Variants in XRCC4 observed in about 807,000 individuals in gnomAD.
XRCC4 encodes the protein DNA repair protein XRCC4.
In XRCC4, 28 loss-of-function variants were observed where a neutral mutation model predicts 39.1. That is an observed-to-expected ratio of 0.72 (90% confidence interval 0.53 to 0.98). The LOEUF (loss-of-function observed/expected upper bound fraction) is 0.98, where lower values mean the gene tolerates loss of function less well. Ranked by LOEUF, XRCC4 falls within the 50% of genes least tolerant of loss-of-function variation. The pLI is 0.00. For synonymous variants in XRCC4, 123 were observed against 126.4 expected (o/e 0.97, Z 0.18); for missense variants, 350 against 376.4 (o/e 0.93, Z 0.58).
intron 3 of XRCC4, among the ~76,000 whole-genome samples, chr5:83,191,328 G>A (rs1463667164): frequency 6.6e-6 from 1 of 152,306 alleles, no homozygotes; most frequent in East Asian, 1.9e-4. Context: ...GGAACCTGGT[G>A]GGAGGTGATT....
At chr5:83,249,928 A>C (rs1276990701) in intron 6 of XRCC4, among the ~76,000 whole-genome samples, 1 of 152,118 alleles carries the variant, frequency 6.6e-6, no homozygotes, top group African/African-American at 2.4e-5. Context: ...TATTTTGTCT[A>C]ATTTTTAAAT....
intron 1 of XRCC4, among the ~76,000 whole-genome samples, chr5:83,091,458 G>A (rs1314867042): frequency 1.3e-5 from 2 of 152,112 alleles, no homozygotes; most frequent in Admixed American, 6.6e-5. Context: ...TCAACATCTG[G>A]GGATTACAAT....
At chr5:83,362,316 A>AAACAAAAAAAAAAAAAAC in the XRCC4 span, among the ~76,000 whole-genome samples, 2 of 145,952 alleles carry the variant, frequency 1.4e-5, no homozygotes, top group African/African-American at 5.5e-5. Context: ...AAAAAAAAAA[A>AAACAAAAAAAAAAAAAAC]AACTATCTCA....
At chr5:83,133,973 G>T (rs1172296987) in intron 3 of XRCC4, among the ~76,000 whole-genome samples, 2 of 152,200 alleles carry the variant, frequency 1.3e-5, no homozygotes, top group Non-Finnish European at 2.9e-5. Flanking sequence ...CGGGAGTTGG[G>T]GCTGTGCGTG....
chr5:83,141,806 A>G (rs77177340), intron 3 of XRCC4, among the ~76,000 whole-genome samples: 3,200 of 151,886 alleles, frequency 0.021, 93 homozygotes, highest in African/African-American at 0.071. Context: ...TTAATCTGGA[A>G]CAGGTAGGTC....
chr5:83,286,313 A>C (rs964184828), intron 7 of XRCC4, among the ~76,000 whole-genome samples: 1 of 152,102 alleles, frequency 6.6e-6, no homozygotes, highest in Non-Finnish European at 1.5e-5. Context: ...GCATCCAACA[A>C]GTAGTTTTTG....
chr5:83,284,003 A>C (rs1561454135), intron 7 of XRCC4, among the ~76,000 whole-genome samples: 2 of 149,122 alleles, frequency 1.3e-5, no homozygotes. Context: ...GAAAATGAGA[A>C]GATTCATAAA....
At chr5:83,275,489 G>T (rs28360264) in intron 7 of XRCC4, among the ~76,000 whole-genome samples, 1 of 151,814 alleles carries the variant, frequency 6.6e-6, no homozygotes, top group Non-Finnish European at 1.5e-5. Context: ...TAGAGACGGG[G>T]TTTCACCGTT....
intron 7 of XRCC4, among the ~76,000 whole-genome samples, chr5:83,285,809 A>G (rs1192883927): frequency 6.6e-6 from 1 of 152,102 alleles, no homozygotes; most frequent in African/African-American, 2.4e-5. Context: ...TCCCATTGGT[A>G]ACTCCTTTGG....
intron 6 of XRCC4, among the ~76,000 whole-genome samples, chr5:83,212,100 ATGTT>A (rs1235844449): frequency 6.6e-6 from 1 of 152,056 alleles, no homozygotes; most frequent in African/African-American, 2.4e-5. Context: ...ACACATATGT[ATGTT>A]TATGTGTATA....
intron 3 of XRCC4, among the ~76,000 whole-genome samples, chr5:83,179,754 C>G (rs987859197): frequency 1.3e-5 from 2 of 152,100 alleles, no homozygotes; most frequent in Admixed American, 1.3e-4. Context: ...CCACTCAGCT[C>G]TGGCCAGGGG....
intron 7 of XRCC4, among the ~76,000 whole-genome samples, chr5:83,284,488 G>A (rs1256472793): frequency 6.6e-6 from 1 of 152,068 alleles, no homozygotes; most frequent in African/African-American, 2.4e-5. Context: ...AACATCACAT[G>A]TAGGAAATTT....
intron 3 of XRCC4, among the ~76,000 whole-genome samples, chr5:83,117,978 C>CT (rs761734365): frequency 4.0e-5 from 6 of 150,400 alleles, no homozygotes; most frequent in Non-Finnish European, 7.4e-5. Flanking sequence ...GTGAAGGAAG[C>CT]TATGAGGTTT....
At chr5:83,338,645 A>T (rs549428455) in intron 7 of XRCC4, among the ~76,000 whole-genome samples, 2 of 152,306 alleles carry the variant, frequency 1.3e-5, no homozygotes, top group East Asian at 3.9e-4. Context: ...AAGAAATGAG[A>T]CATTGTATCA....
intron 3 of XRCC4, among the ~76,000 whole-genome samples, chr5:83,154,456 CA>C (rs1161830961): frequency 6.6e-6 from 1 of 152,094 alleles, no homozygotes; most frequent in Non-Finnish European, 1.5e-5. Context: ...CAAATATTCC[CA>C]AATCTGAAAG....
rs374660091 is a variant in XRCC4, at chr5:83,287,660, C to T, written c.893+28983C>T. On this transcript the variant is annotated intron_variant, in intron 7 of 7. Transcript: ENST00000396027. ...CATCTGTATAGTGTTAAGTTCCTCC[C>T]GAAAATGTGTAATTTTTTTTACTGG... 1.0e-3 allele frequency among the ~76,000 whole-genome samples: 153 copies of T among 151,688 alleles called. 3 individuals carry two copies. The South Asian group carries it at 0.022, about 21-fold the overall frequency.
chr5:83,303,531 A>C (rs763932172), intron 7 of XRCC4, among the ~76,000 whole-genome samples: 8 of 152,170 alleles, frequency 5.3e-5, no homozygotes, highest in Non-Finnish European at 8.8e-5. Flanking sequence ...ATTATAAGGA[A>C]AGTAGTAACA....
At chr5:83,221,041 T>C (rs1175865335) in intron 6 of XRCC4, among the ~76,000 whole-genome samples, 1 of 152,162 alleles carries the variant, frequency 6.6e-6, no homozygotes, top group Non-Finnish European at 1.5e-5. Flanking sequence ...TTGTTTATTC[T>C]TATCACTTGC....
At chr5:83,217,916 C>T (rs996266497) in intron 6 of XRCC4, among the ~76,000 whole-genome samples, 4 of 152,068 alleles carry the variant, frequency 2.6e-5, no homozygotes, top group Admixed American at 6.6e-5. Context: ...TATCTGTGAC[C>T]AGGATTGCAT....
Sources: gnomAD v4.1 joint callset for allele counts (sites outside exome capture counted in the v4.1 genomes callset) on GRCh38, gnomAD v4.1.1 for gene constraint, MANE v1.5 for transcripts, NCBI Gene and HGNC (gene_info 2026-07-23, HGNC 2026-07-21) for gene names.